Variants in SPSB1 observed in about 807,000 individuals in gnomAD.
SPSB1 encodes SPRY domain-containing SOCS box protein 1.
Under a neutral mutation model 21.2 loss-of-function variants are expected in SPSB1, and 8 were observed. That is an observed-to-expected ratio of 0.38 (90% confidence interval 0.22 to 0.68). The LOEUF (loss-of-function observed/expected upper bound fraction) is 0.68. Among genes scored for constraint, SPSB1 ranks in the 30% least tolerant of loss-of-function variants. The pLI is 0.53. For missense variants in SPSB1, 242 were observed against 377.8 expected (o/e 0.64, Z 2.98); for synonymous variants, 169 against 161.7 (o/e 1.05, Z -0.34).
chr1:9,366,662 C>G (rs1640576912), intron 2 of SPSB1, among the ~76,000 whole-genome samples: 1 of 151,522 alleles, frequency 6.6e-6, no homozygotes, highest in South Asian at 2.1e-4. Flanking sequence ...CAACCTCCAT[C>G]TCCCAGGTTC....
At chr1:9,311,081 T>C (rs567118086) in intron 1 of SPSB1, among the ~76,000 whole-genome samples, 2 of 152,000 alleles carry the variant, frequency 1.3e-5, no homozygotes, top group African/African-American at 4.8e-5. Context: ...CTCCCGCCTC[T>C]AGCCTCCCAG....
At position 9,305,333 on chromosome 1, in the gene SPSB1, T is replaced by C. The variant is rs1405728447; in HGVS notation, c.-150+12262T>C. 2.0e-5 allele frequency among the ~76,000 whole-genome samples: 3 copies of C among 152,194 alleles called. No individual in the cohort carries two copies. Among genetic ancestry groups the C allele is most frequent in the Non-Finnish European group, 1.5e-5 (1 of 68,030 alleles). ...CAGCAGGTAGCCCTGCCATCCACGG[T>C]CCACCCTGTCACCCAGACACATGCA... On this transcript the variant is annotated intron_variant, in intron 1 of 2. Coordinates refer to ENST00000328089, the MANE Select transcript of SPSB1 (RefSeq NM_025106.4). The surrounding 1 kb of genome is among the most constrained non-coding windows in gnomAD (Gnocchi z 4.8).
intron 1 of SPSB1, among the ~76,000 whole-genome samples, chr1:9,343,139 T>C (rs1340184885): frequency 6.6e-6 from 1 of 152,206 alleles, no homozygotes; most frequent in Non-Finnish European, 1.5e-5. Context: ...TGGCATTGAG[T>C]ACATTCGCAA....
rs551940870 is a variant in SPSB1 at position 9,316,807 on chromosome 1, G to A, written c.-150+23736G>A. ...CAGCAGCTTCGAGCCCAGCTTGGGA[G>A]GTGGCTGGCTTTCCACCTCGGTTCT... On this transcript the variant is annotated intron_variant, in intron 1 of 2. Transcript: ENST00000328089. 4.6e-5 allele frequency among the ~76,000 whole-genome samples: 7 copies of A among 152,336 alleles called. No homozygotes were observed. In the South Asian group the frequency reaches 1.2e-3, roughly 27 times the overall value.
At chr1:9,352,641 C>G (rs1162362861) in intron 1 of SPSB1, among the ~76,000 whole-genome samples, 1 of 152,010 alleles carries the variant, frequency 6.6e-6, no homozygotes, top group Non-Finnish European at 1.5e-5. Context: ...AGAGCTCCCT[C>G]CTCCTCCCTC....
intron 1 of SPSB1, among the ~76,000 whole-genome samples, chr1:9,312,494 A>G (rs905941436): frequency 6.6e-6 from 1 of 152,164 alleles, no homozygotes; most frequent in Admixed American, 6.6e-5. Context: ...TAGTGCACAC[A>G]TGTGGTCAGG....
intron 1 of SPSB1, among the ~76,000 whole-genome samples, chr1:9,322,064 TC>T (rs1193431341): frequency 1.3e-5 from 2 of 152,010 alleles, no homozygotes; most frequent in African/African-American, 2.4e-5. Flanking sequence ...ATATGTGCAC[TC>T]CCCGAGCACC....
intron 2 of SPSB1, among the ~76,000 whole-genome samples, chr1:9,360,467 C>T (rs1640452445): frequency 6.6e-6 from 1 of 152,156 alleles, no homozygotes; most frequent in Non-Finnish European, 1.5e-5. Flanking sequence ...TTACCACAAG[C>T]AGGACAGCTG....
chr1:9,361,886 G>A (rs1008036962), intron 2 of SPSB1, among the ~76,000 whole-genome samples: 1 of 152,244 alleles, frequency 6.6e-6, no homozygotes, highest in Admixed American at 6.5e-5. Context: ...AGGCTGGCAG[G>A]CTGTCCAGGG....
intron 1 of SPSB1, among the ~76,000 whole-genome samples, chr1:9,318,001 G>A (rs1639642559): frequency 3.9e-5 from 6 of 152,230 alleles, no homozygotes; most frequent in African/African-American, 2.4e-5. Flanking sequence ...GTGGACAGTC[G>A]CAGGTTTGGT....
At chr1:9,362,215 C>A (rs1308658517) in intron 2 of SPSB1, among the ~76,000 whole-genome samples, 1 of 140,856 alleles carries the variant, frequency 7.1e-6, no homozygotes, top group African/African-American at 2.6e-5. Context: ...CCTTCCATGT[C>A]GGGGAGGGGT....
rs559617421 is a variant in SPSB1 at position 9,345,300 on chromosome 1, T to C, written c.-149-10443T>C. The stretch of plus-strand genomic sequence containing the variant: ...CCGTGGGTACCCTGTTGGTGGCTCT[T>C]TTCTTGGAGATGGCCGTGGGGCTGC... On this transcript the variant is annotated intron_variant, in intron 1 of 2. Coordinates refer to ENST00000328089, the MANE Select transcript of SPSB1 (RefSeq NM_025106.4). This position sits in a 1 kb window ranked among gnomAD's most constrained non-coding sequence, Gnocchi z 4.8. Among the ~76,000 whole-genome samples, 1 of 152,264 alleles carries C rather than the reference T, an allele frequency of 6.6e-6. No individual in the cohort carries two copies. Among genetic ancestry groups the C allele is most frequent in the Admixed American group, 6.5e-5 (1 of 15,308 alleles).
At chr1:9,300,326 C>T (rs564577098) in intron 1 of SPSB1, among the ~76,000 whole-genome samples, 4 of 152,290 alleles carry the variant, frequency 2.6e-5, no homozygotes, top group East Asian at 3.9e-4. Flanking sequence ...GTCACCCTAA[C>T]GCTTCTAGTT....
chr1:9,311,602 C>T (rs1639520872), intron 1 of SPSB1, among the ~76,000 whole-genome samples: 2 of 152,316 alleles, frequency 1.3e-5, no homozygotes, highest in African/African-American at 2.4e-5. Context: ...AGCAGTCTCA[C>T]TCTTATCTCT....
At position 9,315,804 on chromosome 1, in the gene SPSB1, G is replaced by T. The variant is rs191139379; in HGVS notation, c.-150+22733G>T. Among the ~76,000 whole-genome samples, 8 of 152,322 alleles carry T rather than the reference G, an allele frequency of 5.3e-5. No individual in the cohort carries two copies. In the East Asian group the frequency reaches 1.2e-3, roughly 22 times the overall value. On this transcript the variant is annotated intron_variant, in intron 1 of 2. Coordinates refer to ENST00000328089, the MANE Select transcript of SPSB1 (RefSeq NM_025106.4). Reference sequence around the variant, plus strand: ...TTGCTGACTAATTCTCTTTGCAAACGGTTCAGTTTCACATGCTTGAGTTTC... The same window carrying T: ...TTGCTGACTAATTCTCTTTGCAAACTGTTCAGTTTCACATGCTTGAGTTTC...
Position 9,318,667 on chromosome 1 carries a change from C to T in SPSB1, c.-150+25596C>T, listed in dbSNP as rs1639653179. ...CAAAGCCAGACCGTGTGGCTGGTGCCTCGGAGGCAGCTGTTTCCACCATTC... is the reference window on the plus strand; with the variant it reads ...CAAAGCCAGACCGTGTGGCTGGTGCTTCGGAGGCAGCTGTTTCCACCATTC... On this transcript the variant is annotated intron_variant, in intron 1 of 2. Transcript: ENST00000328089. 2.0e-5 allele frequency among the ~76,000 whole-genome samples: 3 copies of T among 152,334 alleles called. No homozygotes were observed. The South Asian group carries it at 6.2e-4, about 32-fold the overall frequency.
intron 1 of SPSB1, among the ~76,000 whole-genome samples, chr1:9,349,257 C>T (rs986084757): frequency 3.5e-4 from 53 of 152,326 alleles, no homozygotes; most frequent in African/African-American, 1.1e-3. Flanking sequence ...TCCCGTTTTT[C>T]GCTCCTCTCT....
At chr1:9,307,765 T>G (rs1297245299) in intron 1 of SPSB1, among the ~76,000 whole-genome samples, 2 of 152,206 alleles carry the variant, frequency 1.3e-5, no homozygotes. Flanking sequence ...TTCCCGTTGA[T>G]CTATTAAAAA....
chr1:9,368,863 G>A lies in SPSB1; in HGVS notation c.*1288G>A, dbSNP rs1008769922. On this transcript the variant is annotated 3_prime_UTR_variant, in exon 3 of 3. Coordinates refer to ENST00000328089, the MANE Select transcript of SPSB1 (RefSeq NM_025106.4). ...CTCAGAGCCTCAAGAGGGGTAGCTC[G>A]GCTGCCGGAAGAGAGGGGTGCCCTA... is the stretch of plus-strand genomic sequence containing the variant. 2.6e-5 allele frequency: 4 copies of A among 152,354 alleles called. No individual in the cohort carries two copies. Among genetic ancestry groups the A allele is most frequent in the Non-Finnish European group, 4.4e-5 (3 of 68,020 alleles). 9.4% of individuals were successfully genotyped at this position (152,354 alleles called of 1,614,324 possible).
Sources: allele counts gnomAD v4.1 joint callset (sites outside exome capture counted in the v4.1 genomes callset), GRCh38; gene constraint gnomAD v4.1.1; non-coding constraint Gnocchi (gnomAD v3.1); transcripts MANE v1.5; gene names NCBI Gene and HGNC (gene_info 2026-07-23, HGNC 2026-07-21).